The following SMPD2 variants were observed in gnomAD, a reference collection of about 807,000 sequenced individuals.
The protein encoded by SMPD2 is sphingomyelin phosphodiesterase 2, also known as N-SMase.
Under a neutral mutation model 41.7 loss-of-function variants are expected in SMPD2, and 35 were observed. The ratio of observed to expected loss-of-function variants is 0.84; its 90% CI spans 0.64 to 1.11. SMPD2 has a LOEUF of 1.11. SMPD2 is among the 50% of genes most tolerant of loss of function. The pLI, the probability that SMPD2 is intolerant of heterozygous loss-of-function variation, is 0.00. For synonymous variants in SMPD2, 201 were observed against 208.2 expected (o/e 0.97, Z 0.30); for missense variants, 520 against 524.8 (o/e 0.99, Z 0.09).
intron 3 of SMPD2, 117 bp from the exon 4 acceptor site, chr6:109,441,857 A>G: frequency 2.9e-6 from 3 of 1,019,274 alleles, no homozygotes; most frequent in South Asian, 2.7e-5. Context: ...TTCTAGGGCT[A>G]GTCCCAGCAG....
At chr6:109,442,940 T>C in intron 7 of SMPD2, 37 bp from the exon 8 acceptor site, 9 of 1,610,378 alleles carry the variant, frequency 5.6e-6, no homozygotes, top group Non-Finnish European at 7.6e-6. Flanking sequence ...TCCCTCCTTC[T>C]CCCCCACATC....
At chr6:109,443,202 G>A (rs1240335811) in intron 8 of SMPD2, 65 bp from the exon 9 acceptor site, 58 of 1,588,600 alleles carry the variant, frequency 3.7e-5, no homozygotes, top group South Asian at 5.6e-5. Flanking sequence ...TGGGGTAGCC[G>A]GGAGCTGGTT....
At chr6:109,443,214 T>A (rs1222492162) in intron 8 of SMPD2, 53 bp from the exon 9 acceptor site, 79 of 1,603,506 alleles carry the variant, frequency 4.9e-5, no homozygotes, top group Non-Finnish European at 6.5e-5. Context: ...GAGCTGGTTC[T>A]CTGGGAAGAG....
chr6:109,441,033 G>A lies in SMPD2; in HGVS notation c.-89G>A, dbSNP rs1048203. 451,113 of 1,357,256 alleles carry A rather than the reference G, an allele frequency of 0.33. 75,955 individuals carry two copies. The highest frequency in any genetic ancestry group is 0.4 in the East Asian group (17,259 of 43,432). 84.1% of individuals were successfully genotyped at this position (1,357,256 alleles called of 1,614,324 possible). The stretch of plus-strand genomic sequence containing the variant: ...GCCGCCTGCGAAGAAGGAACGGTCT[G>A]GGGAGAAGGCGCCGCCGGCCGCCCC... On this transcript the variant is annotated 5_prime_UTR_variant, in exon 1 of 10. Transcript: ENST00000258052.
Position 109,441,407 on chromosome 6 carries a change from G to A in SMPD2, c.101G>A (p.Gly34Glu). The change falls in exon 2 of 10, where the codon GGA becomes GAA. Residue 34 changes from glycine (G) to glutamate (E), a missense_variant. Physicochemically the swap from Gly to Glu is moderately conservative, Grantham distance 98. Transcript: ENST00000258052. ...CGGGCCGACCGCATGAGGCGCCTGGGAGACTTTCTGAACCAGGAGAGCTTC... is the reference window on the plus strand; with the variant it reads ...CGGGCCGACCGCATGAGGCGCCTGGAAGACTTTCTGAACCAGGAGAGCTTC... Reference protein sequence around the residue: ...KHRADRMRRLGDFLNQESFDL... With the variant: ...KHRADRMRRLEDFLNQESFDL... 6.2e-7 allele frequency: 1 copy of A among 1,614,204 alleles called. No homozygotes were observed. The highest frequency in any genetic ancestry group is 1.7e-5 in the Admixed American group (1 of 60,030).
rs764361453 is a variant in SMPD2, at chr6:109,442,831, CT to C, written c.572del (p.Leu191ArgfsTer38). 3.7e-6 allele frequency: 6 copies of C among 1,614,144 alleles called. No individual in the cohort carries two copies. The highest frequency in any genetic ancestry group is 5.1e-6 in the Non-Finnish European group (6 of 1,180,024). Reference sequence around the variant, plus strand: ...CCCAGAAGACCTGGGCTGCTGCCTGCTGAAGGAGTGGACAGGGCTTCATGAT... The same window carrying C: ...CCCAGAAGACCTGGGCTGCTGCCTGCGAAGGAGTGGACAGGGCTTCATGAT... ...MHPEDLGCCL[L>X]KEWTGLHDAY... is the part of the protein sequence containing the mutation. On this transcript the variant is annotated frameshift_variant, in exon 7 of 10. Transcript: ENST00000258052. LOFTEE classifies it high-confidence loss of function.
Position 109,442,742 on chromosome 6 carries a change from G to A in SMPD2, c.492-10G>A. ...GAAGAACTCCCGCCTCACCAACCTG[G>A]TTCCCCCAGCCACACATCCAAGAAG... On this transcript the variant is annotated splice_polypyrimidine_tract_variant and intron_variant, in intron 6 of 9. Transcript: ENST00000258052. The A allele has an allele frequency of 6.2e-7, 1 of 1,603,810 alleles. No homozygotes were observed. Among genetic ancestry groups the A allele is most frequent in the Non-Finnish European group, 8.5e-7 (1 of 1,179,518 alleles).
At chr6:109,443,231 A>C in intron 8 of SMPD2, 36 bp from the exon 9 acceptor site, 2 of 1,610,386 alleles carry the variant, frequency 1.2e-6, no homozygotes, top group Non-Finnish European at 1.7e-6. Context: ...AGAGGCCCTC[A>C]TATATAAGCT....
At chr6:109,441,326 G>A (rs753856211) in intron 1 of SMPD2, 31 bp from the exon 2 acceptor site, 3 of 1,605,004 alleles carry the variant, frequency 1.9e-6, no homozygotes, top group Non-Finnish European at 2.6e-6. Flanking sequence ...CCCAGCAGTC[G>A]CCTCCCCTGC....
intron 6 of SMPD2, 56 bp downstream of exon 6, chr6:109,442,681 G>A: frequency 6.2e-7 from 1 of 1,614,162 alleles, no homozygotes; most frequent in East Asian, 2.2e-5. Flanking sequence ...GGCTGAGGGT[G>A]AACAAGGCCC....
At position 109,441,074 on chromosome 6, in the gene SMPD2, C is replaced by T. The variant is rs745886037; in HGVS notation, c.-48C>T. On this transcript the variant is annotated 5_prime_UTR_variant, in exon 1 of 10. Coordinates refer to ENST00000258052, the MANE Select transcript of SMPD2 (RefSeq NM_003080.3). ...CGGCCGCCCCCGTCCCCACCGCGGC[C>T]GTCGCTGGAGAGTTCGAGCCGCCTA... 21 of 1,604,956 alleles carry T rather than the reference C, an allele frequency of 1.3e-5. No individual in the cohort carries two copies. Among genetic ancestry groups the T allele is most frequent in the South Asian group, 2.2e-5 (2 of 90,794 alleles).
In SMPD2 at chr6:109,440,765, G is replaced by A; in HGVS notation, c.-357G>A. On this transcript the variant is annotated 5_prime_UTR_variant, in exon 1 of 10. Coordinates refer to ENST00000258052, the MANE Select transcript of SMPD2 (RefSeq NM_003080.3). The stretch of plus-strand genomic sequence containing the variant: ...GTTGCTGGGCCGCCGGCGCGCGGGC[G>A]GCCGCGACCGCCGGGGACGAGCTTG... The A allele has an allele frequency of 3.2e-6, 1 of 314,770 alleles. No individual in the cohort carries two copies. The highest frequency in any genetic ancestry group is 5.2e-6 in the Non-Finnish European group (1 of 193,548). 19.5% of individuals were successfully genotyped at this position (314,770 alleles called of 1,614,324 possible). A position where few individuals can be genotyped will look rare whatever the true frequency, so the allele number is the denominator to read the frequency against.
At chr6:109,441,867 G>A in intron 3 of SMPD2, 107 bp from the exon 4 acceptor site, 1 of 1,112,632 alleles carries the variant, frequency 9.0e-7, no homozygotes, top group East Asian at 2.3e-5. Flanking sequence ...AGTCCCAGCA[G>A]TAGAAAAAGA....
Position 109,442,595 on chromosome 6 carries a change from C to G in SMPD2, c.461C>G (p.Ala154Gly). ...QKDIYLAHRV[A>G]QAWELAQFIH... ...GACATCTACCTAGCACATCGTGTGG[C>G]CCAAGCTTGGGAATTGGCCCAGTTC... is the stretch of plus-strand genomic sequence containing the variant. Residue 154 changes from alanine (A) to glycine (G), a missense_variant, in exon 6 of 10, where the codon GCC becomes GGC. Coordinates refer to ENST00000258052, the MANE Select transcript of SMPD2 (RefSeq NM_003080.3). 6.2e-7 allele frequency: 1 copy of G among 1,614,164 alleles called. No individual in the cohort carries two copies. Among genetic ancestry groups the G allele is most frequent in the Non-Finnish European group, 8.5e-7 (1 of 1,180,024 alleles).
chr6:109,443,497 A>G lies in SMPD2; in HGVS notation c.884-20A>G, dbSNP rs1489810412. Reference sequence around the variant, plus strand: ...TCCACTCTTGACTCTCTCCTGCCCCACTGCCCTGCTCTGTTGTAGGACCAG... The same window carrying G: ...TCCACTCTTGACTCTCTCCTGCCCCGCTGCCCTGCTCTGTTGTAGGACCAG... On this transcript the variant is annotated intron_variant, in intron 9 of 9. Coordinates refer to ENST00000258052, the MANE Select transcript of SMPD2 (RefSeq NM_003080.3). 6.2e-7 allele frequency: 1 copy of G among 1,607,826 alleles called. No individual in the cohort carries two copies. Among genetic ancestry groups the G allele is most frequent in the African/African-American group, 1.3e-5 (1 of 74,800 alleles).
In SMPD2 at chr6:109,441,625, G is replaced by A. The variant is rs1330896488; in HGVS notation, c.221G>A (p.Arg74Gln). Residue 74 changes from arginine to glutamine, a missense_variant, in exon 3 of 10, where the codon CGG (arginine) becomes CAG (glutamine). Transcript: ENST00000258052. The part of the protein sequence containing the change: ...SPTYPAAHHF[R>Q]SGIIGSGLCV... ...ACCTACCCAGCTGCACACCACTTCCGGAGGTGAGAAGCCCACTGGCCTGAA... is the reference window on the plus strand; with the variant it reads ...ACCTACCCAGCTGCACACCACTTCCAGAGGTGAGAAGCCCACTGGCCTGAA... 4.3e-6 allele frequency: 7 copies of A among 1,613,970 alleles called. No individual in the cohort carries two copies. Among genetic ancestry groups the A allele is most frequent in the Non-Finnish European group, 5.1e-6 (6 of 1,179,944 alleles).
Position 109,441,084 on chromosome 6 carries a change from G to A in SMPD2, c.-38G>A, listed in dbSNP as rs1374864050. On this transcript the variant is annotated 5_prime_UTR_variant, in exon 1 of 10. Transcript: ENST00000258052. Reference sequence around the variant, plus strand: ...CGTCCCCACCGCGGCCGTCGCTGGAGAGTTCGAGCCGCCTAGCGCCCCTGG... The same window carrying A: ...CGTCCCCACCGCGGCCGTCGCTGGAAAGTTCGAGCCGCCTAGCGCCCCTGG... 9 of 1,612,254 alleles carry A rather than the reference G, an allele frequency of 5.6e-6. No individual in the cohort carries two copies. The African/African-American group carries it at 1.2e-4, about 22-fold the overall frequency.
rs1439901091 is a variant in SMPD2 at position 109,443,095 on chromosome 6, C to T, written c.729+14C>T. ...GTGCTTTACAAGGTCAGGCTCCTCCCTTCAACATGCTTTCATATGCTGTGT... is the reference window on the plus strand; with the variant it reads ...GTGCTTTACAAGGTCAGGCTCCTCCTTTCAACATGCTTTCATATGCTGTGT... On this transcript the variant is annotated intron_variant, in intron 8 of 9. Transcript: ENST00000258052. The T allele has an allele frequency of 8.1e-6, 13 of 1,597,674 alleles. No individual in the cohort carries two copies. The East Asian group carries it at 2.9e-4, about 36-fold the overall frequency.
Position 109,441,093 on chromosome 6 carries a change from C to A in SMPD2, c.-29C>A. The A allele has an allele frequency of 6.2e-7, 1 of 1,613,512 alleles. No individual in the cohort carries two copies. Among genetic ancestry groups the A allele is most frequent in the Non-Finnish European group, 8.5e-7 (1 of 1,179,514 alleles). Reference sequence around the variant, plus strand: ...CGCGGCCGTCGCTGGAGAGTTCGAGCCGCCTAGCGCCCCTGGAGCTCCCCA... The same window carrying A: ...CGCGGCCGTCGCTGGAGAGTTCGAGACGCCTAGCGCCCCTGGAGCTCCCCA... On this transcript the variant is annotated 5_prime_UTR_variant, in exon 1 of 10. Coordinates refer to ENST00000258052, the MANE Select transcript of SMPD2 (RefSeq NM_003080.3).
Sources: gnomAD v4.1 joint callset for allele counts on GRCh38, gnomAD v4.1.1 for gene constraint, MANE v1.5 for transcripts, NCBI Gene and HGNC (gene_info 2026-07-23, HGNC 2026-07-21) for gene names.